Variants in KIF9 observed in about 807,000 individuals in gnomAD.
KIF9 encodes kinesin family member 9, also known as kinesin-like protein KIF9.
KIF9 carries 68 observed loss-of-function variants against 94.8 expected under a neutral mutation model. The ratio of observed to expected loss-of-function variants is 0.72; its 90% CI spans 0.59 to 0.88. The LOEUF is 0.88. KIF9 is among the 40% of genes least tolerant of loss of function. The pLI is 0.00. For synonymous variants in KIF9, 343 were observed against 362.1 expected, an observed-to-expected ratio of 0.95 and a Z score of 0.60; for missense variants, 882 against 982.5, an observed-to-expected ratio of 0.90 and a Z score of 1.37.
intron 13 of KIF9, 39 bp downstream of exon 13, chr3:47,246,158 G>A (rs1699911102): frequency 5.7e-6 from 9 of 1,582,608 alleles, no homozygotes; most frequent in Non-Finnish European, 7.8e-6. Flanking sequence ...GAAAATGGCA[G>A]CCTGATGTAG....
At chr3:47,230,160 C>A (rs1366318380) in intron 20 of KIF9, among the ~76,000 whole-genome samples, 2 of 152,186 alleles carry the variant, frequency 1.3e-5, no homozygotes, top group African/African-American at 2.4e-5. Flanking sequence ...CGCCCATGAT[C>A]CCAGCACTTT....
chr3:47,246,076 A>G, intron 13 of KIF9, 121 bp downstream of exon 13: 1 of 770,542 alleles, frequency 1.3e-6, no homozygotes, highest in Non-Finnish European at 2.2e-6. Flanking sequence ...GCCCCCAAGG[A>G]CTCTGATTTG....
At chr3:47,249,209 A>G (rs11712779) in intron 10 of KIF9, among the ~76,000 whole-genome samples, 138,399 of 150,554 alleles carry the variant, frequency 0.92, 64,052 homozygotes, top group Non-Finnish European at 0.98. Context: ...ACAGTGGCGC[A>G]ATCTTGGCTC....
chr3:47,240,466 G>A (rs1175605451), intron 17 of KIF9, among the ~76,000 whole-genome samples: 2 of 152,238 alleles, frequency 1.3e-5, no homozygotes, highest in Non-Finnish European at 2.9e-5. Context: ...ACCTTGTAGA[G>A]GTCACCAGCT....
intron 9 of KIF9, chr3:47,263,852 G>A (rs1308745306): frequency 2.2e-6 from 1 of 457,034 alleles, no homozygotes; most frequent in Non-Finnish European, 4.4e-6. Flanking sequence ...CATGGCAGGT[G>A]CTTAATACCA....
chr3:47,229,481 T>C (rs1462562012), intron 20 of KIF9, among the ~76,000 whole-genome samples: 1 of 152,150 alleles, frequency 6.6e-6, no homozygotes, highest in Non-Finnish European at 1.5e-5. Context: ...TGAGACTCAG[T>C]AAAACAGGAA....
chr3:47,271,751 A>C (rs1701661792), intron 4 of KIF9, among the ~76,000 whole-genome samples: 1 of 152,170 alleles, frequency 6.6e-6, no homozygotes, highest in South Asian at 2.1e-4. Flanking sequence ...AAATCTATTT[A>C]ATTCCATCCA....
chr3:47,272,185 A>C (rs906047869), intron 4 of KIF9, among the ~76,000 whole-genome samples: 4 of 152,176 alleles, frequency 2.6e-5, no homozygotes, highest in Admixed American at 1.3e-4. Flanking sequence ...GTAGAAGTAA[A>C]GCCAGAACTC....
At chr3:47,235,215 G>C (rs577555555) in intron 20 of KIF9, among the ~76,000 whole-genome samples, 1 of 152,334 alleles carries the variant, frequency 6.6e-6, no homozygotes, top group South Asian at 2.1e-4. Flanking sequence ...GACCCCGTTG[G>C]AGAGGTCCTC....
chr3:47,267,170 T>C lies in KIF9; in HGVS notation c.675+10A>G, dbSNP rs1450224285. 3.1e-6 allele frequency: 5 copies of C among 1,611,624 alleles called. No homozygotes were observed. Among genetic ancestry groups the C allele is most frequent in the Non-Finnish European group, 3.4e-6 (4 of 1,177,762 alleles). ...GCCCCGCCTGGGCTGATCAAAGAGC[T>C]TGCACCTACCTCTAAGTAGATGGTG... On this transcript the variant is annotated intron_variant, in intron 6 of 20. Coordinates refer to ENST00000684063, the MANE Select transcript of KIF9 (RefSeq NM_182902.4).
chr3:47,260,217 G>A (rs1700878056), intron 9 of KIF9, among the ~76,000 whole-genome samples: 1 of 135,314 alleles, frequency 7.4e-6, no homozygotes, highest in African/African-American at 2.8e-5. Context: ...CCTTTACATT[G>A]TCTATGATGC....
At chr3:47,256,445 C>A (rs923870199) in intron 10 of KIF9, among the ~76,000 whole-genome samples, 3 of 151,802 alleles carry the variant, frequency 2.0e-5, no homozygotes, top group African/African-American at 7.3e-5. Flanking sequence ...CATCTCCGCC[C>A]GGCAGCCACC....
chr3:47,277,257 T>G (rs924009), intron 2 of KIF9, 25 bp downstream of exon 2: 1,556,661 of 1,567,590 alleles, frequency 0.99, 773,484 homozygotes, highest in East Asian at 1. Context: ...GCCCAGTCAG[T>G]TGAAGGCAAA....
intron 20 of KIF9, among the ~76,000 whole-genome samples, chr3:47,233,231 C>T (rs931208142): frequency 6.6e-6 from 1 of 150,760 alleles, no homozygotes; most frequent in Non-Finnish European, 1.5e-5. Flanking sequence ...AGTGTGGTTG[C>T]GGGTGCCTGT....
chr3:47,273,703 A>C, intron 3 of KIF9, 45 bp from the exon 4 acceptor site: 23 of 1,522,402 alleles, frequency 1.5e-5, no homozygotes, highest in East Asian at 2.3e-5. Context: ...AAATAGCTCC[A>C]AGGATAACTC....
At chr3:47,260,626 T>C (rs1700908375) in intron 9 of KIF9, among the ~76,000 whole-genome samples, 1 of 152,090 alleles carries the variant, frequency 6.6e-6, no homozygotes, top group East Asian at 1.9e-4. Context: ...AAGGTAGACG[T>C]ATCATCAACC....
intron 1 of KIF9, among the ~76,000 whole-genome samples, chr3:47,279,617 A>T (rs1163337295): frequency 2.7e-5 from 4 of 150,912 alleles, no homozygotes; most frequent in Admixed American, 2.0e-4. Context: ...ATTTTATTTT[A>T]TTTTATTTTT....
chr3:47,260,384 C>A (rs1428702130), intron 9 of KIF9, among the ~76,000 whole-genome samples: 3 of 151,964 alleles, frequency 2.0e-5, no homozygotes, highest in Non-Finnish European at 4.4e-5. Context: ...AACGCTGGTT[C>A]CCCAGGTCCC....
chr3:47,250,048 CAA>C (rs776974282), intron 10 of KIF9, among the ~76,000 whole-genome samples: 3 of 137,218 alleles, frequency 2.2e-5, no homozygotes, highest in Admixed American at 7.4e-5. Flanking sequence ...GTCACTGTCT[CAA>C]AAAAAAAAAA....
Sources: gnomAD v4.1 joint callset for allele counts (sites outside exome capture counted in the v4.1 genomes callset) on GRCh38, gnomAD v4.1.1 for gene constraint, MANE v1.5 for transcripts, NCBI Gene and HGNC (gene_info 2026-07-23, HGNC 2026-07-21) for gene names.